The following FHAD1 variants were observed in gnomAD, a reference collection of about 807,000 sequenced individuals.
The protein encoded by FHAD1 is forkhead associated phosphopeptide binding domain 1.
A neutral mutation model predicts 191.3 loss-of-function variants in FHAD1; 146 were observed. The ratio of observed to expected loss-of-function variants is 0.76; its 90% CI spans 0.67 to 0.88. The LOEUF is 0.88. FHAD1 is among the 40% of genes least tolerant of loss of function. The pLI, the probability that FHAD1 is intolerant of heterozygous loss-of-function variation, is 0.00. For missense variants in FHAD1, 1,635 were observed against 1,785.8 expected, an observed-to-expected ratio of 0.92 and a Z score of 1.52; for synonymous variants, 616 against 672.3, an observed-to-expected ratio of 0.92 and a Z score of 1.29.
intron 3 of FHAD1, among the ~76,000 whole-genome samples, chr1:15,273,964 G>T (rs1657225962): frequency 6.6e-6 from 1 of 152,128 alleles, no homozygotes; most frequent in Non-Finnish European, 1.5e-5. Flanking sequence ...TGACTACTCT[G>T]GGTACCTTGT....
At chr1:15,270,853 A>C (rs1655601789) in intron 2 of FHAD1, among the ~76,000 whole-genome samples, 1 of 152,050 alleles carries the variant, frequency 6.6e-6, no homozygotes, top group Non-Finnish European at 1.5e-5. Flanking sequence ...CAGCCTAGCC[A>C]GTATGGTGAA....
chr1:15,381,920 A>T lies in FHAD1; in HGVS notation c.4023-108A>T. The T allele has an allele frequency of 8.1e-7, 1 of 1,227,346 alleles. No individual in the cohort carries two copies. Among genetic ancestry groups the T allele is most frequent in the Non-Finnish European group, 1.1e-6 (1 of 879,084 alleles). 76.0% of individuals were successfully genotyped at this position (1,227,346 alleles called of 1,614,324 possible). A position where few individuals can be genotyped will look rare whatever the true frequency, so the allele number is the denominator to read the frequency against. ...TCTCCTGCTTGTGATGACACTCCTG[A>T]GTGAGCCCCCACTGTGGATGTATTT... On this transcript the variant is annotated intron_variant, in intron 30 of 33. Transcript: ENST00000688493. This position sits in a 1 kb window ranked among gnomAD's most constrained non-coding sequence, Gnocchi z 4.6.
intron 3 of FHAD1, among the ~76,000 whole-genome samples, chr1:15,282,599 C>A (rs1661002267): frequency 1.3e-5 from 2 of 152,310 alleles, no homozygotes; most frequent in South Asian, 4.1e-4. Context: ...ATGACATGAG[C>A]ACCTTCTTTG....
At chr1:15,324,581 C>G (rs1422042635) in intron 11 of FHAD1, 22 bp downstream of exon 11, 2 of 1,484,870 alleles carry the variant, frequency 1.3e-6, no homozygotes, top group Admixed American at 2.0e-5. Context: ...CCAGAGCCCC[C>G]CTCATTGGCC....
intron 14 of FHAD1, among the ~76,000 whole-genome samples, chr1:15,333,044 T>A (rs1359583272): frequency 6.6e-6 from 1 of 152,122 alleles, no homozygotes; most frequent in African/African-American, 2.4e-5. Flanking sequence ...GTCTGCTGGC[T>A]ACATATTCTG....
At position 15,397,496 on chromosome 1, in the gene FHAD1, T is replaced by C; in HGVS notation, c.*83T>C. On this transcript the variant is annotated 3_prime_UTR_variant, in exon 34 of 34. Transcript: ENST00000688493. ...GTGTCATCTGTGTCAAAATACTGAG[T>C]TGCTTTTGTAAGTCTTTAAAGATTG... 1.6e-6 allele frequency: 1 copy of C among 615,344 alleles called. No individual in the cohort carries two copies. The allele number at this position is 615,344 out of a possible 1,614,324, so 38.1% of individuals were successfully genotyped here.
chr1:15,255,337 T>C (rs1952295), intron 2 of FHAD1, among the ~76,000 whole-genome samples: 18,633 of 152,168 alleles, frequency 0.12, 2,623 homozygotes, highest in African/African-American at 0.33. Flanking sequence ...GCCTATTGTT[T>C]TTTAAAAAAT....
chr1:15,302,138 A>G (rs868675987), intron 6 of FHAD1, among the ~76,000 whole-genome samples: 5 of 152,288 alleles, frequency 3.3e-5, no homozygotes, highest in African/African-American at 9.6e-5. Flanking sequence ...CGCAGACCCC[A>G]TGTTCTCACC....
At chr1:15,372,580 G>T (rs944229594) in intron 26 of FHAD1, among the ~76,000 whole-genome samples, 1 of 152,148 alleles carries the variant, frequency 6.6e-6, no homozygotes, top group Non-Finnish European at 1.5e-5. Context: ...AACAGTGTCC[G>T]GCATGCAGCC....
rs915521390 is a variant in FHAD1, at chr1:15,306,730, C to G, written c.916-1883C>G. Reference sequence around the variant, plus strand: ...ACATGGTGTTGAGCCTGCAGGTGCACAGAAGTCAAGAATTGAGGTTTGGGA... The same window carrying G: ...ACATGGTGTTGAGCCTGCAGGTGCAGAGAAGTCAAGAATTGAGGTTTGGGA... On this transcript the variant is annotated intron_variant, in intron 6 of 33. Transcript: ENST00000688493. Among the ~76,000 whole-genome samples the G allele has an allele frequency of 9.2e-5, 14 of 152,246 alleles. No homozygotes were observed. The South Asian group carries it at 1.2e-3, about 14-fold the overall frequency.
At chr1:15,278,617 G>A (rs1225090157) in intron 3 of FHAD1, among the ~76,000 whole-genome samples, 1 of 151,948 alleles carries the variant, frequency 6.6e-6, no homozygotes, top group Non-Finnish European at 1.5e-5. Context: ...GGAATTACAG[G>A]TGTGTGCCAC....
chr1:15,375,953 T>C (rs1318530301), intron 28 of FHAD1, among the ~76,000 whole-genome samples: 2 of 152,226 alleles, frequency 1.3e-5, no homozygotes, highest in African/African-American at 4.8e-5. Flanking sequence ...GGTGTTGACA[T>C]TGGGCCACGT....
chr1:15,398,686 G>C (rs1452455590), downstream of FHAD1, among the ~76,000 whole-genome samples: 1 of 151,550 alleles, frequency 6.6e-6, no homozygotes, highest in African/African-American at 2.4e-5. Flanking sequence ...TGTTTGGAGA[G>C]ACCCCCATTT....
intron 16 of FHAD1, among the ~76,000 whole-genome samples, chr1:15,344,423 G>A (rs1418869373): frequency 2.0e-5 from 3 of 152,226 alleles, no homozygotes; most frequent in African/African-American, 7.2e-5. Context: ...ACACACCAAT[G>A]GGTTAGATCA....
At chr1:15,265,025 C>T (rs1652813466) in intron 2 of FHAD1, among the ~76,000 whole-genome samples, 1 of 152,200 alleles carries the variant, frequency 6.6e-6, no homozygotes. Context: ...ATCAATCCCA[C>T]TTGGTCATGG....
At chr1:15,293,534 A>C (rs113295825) in intron 4 of FHAD1, among the ~76,000 whole-genome samples, 3,755 of 152,258 alleles carry the variant, frequency 0.025, 86 homozygotes, top group Admixed American at 0.054. Context: ...CCTGACTAAC[A>C]TGGTGAAACC....
chr1:15,387,402 A>G (rs1022698954), intron 31 of FHAD1, among the ~76,000 whole-genome samples: 2 of 152,198 alleles, frequency 1.3e-5, no homozygotes, highest in Admixed American at 1.3e-4. Context: ...ACCAGAATGG[A>G]AAAGTAAAAT....
intron 2 of FHAD1, among the ~76,000 whole-genome samples, chr1:15,256,945 T>C (rs12040275): frequency 0.71 from 107,906 of 152,112 alleles, 39,313 homozygotes; most frequent in East Asian, 0.95. Context: ...GCATGTCAGC[T>C]CCTTCTCATA....
At chr1:15,259,912 C>G (rs1418672636) in intron 2 of FHAD1, among the ~76,000 whole-genome samples, 1 of 152,166 alleles carries the variant, frequency 6.6e-6, no homozygotes, top group Non-Finnish European at 1.5e-5. Context: ...ACAGCGCACA[C>G]AAAGATCCGG....
Sources: allele counts gnomAD v4.1 joint callset (sites outside exome capture counted in the v4.1 genomes callset), GRCh38; gene constraint gnomAD v4.1.1; non-coding constraint Gnocchi (gnomAD v3.1); transcripts MANE v1.5; gene names NCBI Gene and HGNC (gene_info 2026-07-23, HGNC 2026-07-21).